Variants in MACROD2 observed in about 807,000 individuals in gnomAD.
The protein encoded by MACROD2 is ADP-ribose glycohydrolase MACROD2.
In MACROD2, 36 loss-of-function variants were observed where a neutral mutation model predicts 70.4. The ratio of observed to expected loss-of-function variants is 0.51; its 90% confidence interval spans 0.39 to 0.68. The LOEUF is 0.68. MACROD2 is among the 30% of genes least tolerant of loss of function. The pLI, the probability that MACROD2 is intolerant of heterozygous loss-of-function variation, is 0.00. For missense variants in MACROD2, 496 were observed against 538.4 expected, an observed-to-expected ratio of 0.92 and a Z score of 0.78; for synonymous variants, 172 against 178.8, an observed-to-expected ratio of 0.96 and a Z score of 0.30.
intron 3 of MACROD2, among the ~76,000 whole-genome samples, chr20:14,191,723 G>A (rs1407018887): frequency 6.6e-6 from 1 of 152,226 alleles, no homozygotes; most frequent in African/African-American, 2.4e-5. Context: ...AGTATTCCAG[G>A]CAGAGGGAAC....
intron 5 of MACROD2, among the ~76,000 whole-genome samples, chr20:14,859,073 A>G (rs1012108284): frequency 5.9e-5 from 9 of 152,082 alleles, no homozygotes; most frequent in Non-Finnish European, 1.3e-4. Flanking sequence ...TGGGGACTCA[A>G]GGGGAAGGTT....
chr20:14,335,675 T>C (rs1440865394), intron 3 of MACROD2, among the ~76,000 whole-genome samples: 2 of 152,176 alleles, frequency 1.3e-5, no homozygotes, highest in South Asian at 2.1e-4. Context: ...TAGTAACTGG[T>C]AGACAGTTTT....
At chr20:15,713,987 G>GCACACACGCGCACA (rs1555868660) in intron 8 of MACROD2, among the ~76,000 whole-genome samples, 17 of 117,788 alleles carry the variant, frequency 1.4e-4, no homozygotes, top group South Asian at 6.4e-4. Flanking sequence ...ACACACATAT[G>GCACACACGCGCACA]CACACACACA....
chr20:14,864,348 G>C (rs1249255008), intron 5 of MACROD2, among the ~76,000 whole-genome samples: 2 of 152,080 alleles, frequency 1.3e-5, no homozygotes, highest in Admixed American at 1.3e-4. Flanking sequence ...GCCCTTTGGA[G>C]AGGGCTATTT....
At chr20:14,938,381 C>T (rs1478991153) in intron 5 of MACROD2, among the ~76,000 whole-genome samples, 1 of 152,030 alleles carries the variant, frequency 6.6e-6, no homozygotes, top group African/African-American at 2.4e-5. Context: ...TGATAACAGC[C>T]ATTTTAACTG....
At chr20:14,080,442 CAAAAAAAAA>C (rs61598345) in intron 2 of MACROD2, among the ~76,000 whole-genome samples, 18 of 64,058 alleles carry the variant, frequency 2.8e-4, no homozygotes, top group African/African-American at 1.1e-3. Context: ...AACCCCGTCT[CAAAAAAAAA>C]AAAAAAAAAA....
chr20:14,757,126 A>T (rs1164251902), intron 5 of MACROD2, among the ~76,000 whole-genome samples: 1 of 152,170 alleles, frequency 6.6e-6, no homozygotes, highest in Non-Finnish European at 1.5e-5. Flanking sequence ...GACATTTTTG[A>T]ATTAAATATC....
At chr20:15,590,985 AAG>A (rs909142950) in intron 8 of MACROD2, among the ~76,000 whole-genome samples, 72 of 151,966 alleles carry the variant, frequency 4.7e-4, no homozygotes, top group African/African-American at 1.7e-3. Flanking sequence ...GAAAGAAAAG[AAG>A]AGAGAGAGAG....
chr20:14,571,349 T>C (rs936868420), intron 4 of MACROD2, among the ~76,000 whole-genome samples: 1 of 152,086 alleles, frequency 6.6e-6, no homozygotes, highest in Non-Finnish European at 1.5e-5. Context: ...ATTGTACTGC[T>C]TAGCCAGTAG....
chr20:16,034,995 C>T (rs2147593458), intron 15 of MACROD2, among the ~76,000 whole-genome samples: 1 of 147,386 alleles, frequency 6.8e-6, no homozygotes, highest in South Asian at 2.1e-4. Context: ...TTAATTTATT[C>T]CTTTTAATGG....
chr20:15,723,197 A>G (rs1328097379), intron 8 of MACROD2, among the ~76,000 whole-genome samples: 3 of 152,148 alleles, frequency 2.0e-5, no homozygotes, highest in Non-Finnish European at 4.4e-5. Flanking sequence ...TTGTGTACCC[A>G]CCACCCCCAC....
At chr20:14,440,551 G>T (rs1456818774) in intron 3 of MACROD2, among the ~76,000 whole-genome samples, 1 of 152,166 alleles carries the variant, frequency 6.6e-6, no homozygotes, top group Admixed American at 6.5e-5. Flanking sequence ...ATTGTGAGCA[G>T]ATCTGTGTAC....
At chr20:14,433,048 G>A (rs192502061) in intron 3 of MACROD2, among the ~76,000 whole-genome samples, 1 of 152,222 alleles carries the variant, frequency 6.6e-6, no homozygotes, top group East Asian at 1.9e-4. Flanking sequence ...CTTTACACGT[G>A]TTGAGGTTTT....
intron 5 of MACROD2, among the ~76,000 whole-genome samples, chr20:15,088,107 GTAAAA>G (rs1247671772): frequency 6.6e-5 from 10 of 151,812 alleles, no homozygotes; most frequent in Admixed American, 6.6e-5. Flanking sequence ...TCAGATAATA[GTAAAA>G]TAAAATAATG....
rs139251779 is a variant in MACROD2, at chr20:15,833,400, A to G, written c.646-29345A>G. ...TTAAACCGCTGCCCTTGTTTAACAC[A>G]TGACAGTTTTTATGTGTGGAAATGT... On this transcript the variant is annotated intron_variant, in intron 8 of 17. Coordinates refer to ENST00000684519, the MANE Select transcript of MACROD2 (RefSeq NM_001351661.2). Among the ~76,000 whole-genome samples, 906 of 152,298 alleles carry G rather than the reference A, an allele frequency of 5.9e-3. 10 individuals carry two copies. Among genetic ancestry groups the G allele is most frequent in the Admixed American group, 0.031 (480 of 15,296 alleles).
intron 13 of MACROD2, among the ~76,000 whole-genome samples, chr20:15,985,193 C>T (rs1033421938): frequency 2.0e-4 from 30 of 152,010 alleles, no homozygotes; most frequent in Admixed American, 1.1e-3. Context: ...TTACTTACAC[C>T]GGACCTGTTT....
intron 8 of MACROD2, among the ~76,000 whole-genome samples, chr20:15,853,697 G>A (rs2064325058): frequency 6.6e-6 from 1 of 152,128 alleles, no homozygotes; most frequent in African/African-American, 2.4e-5. Context: ...CCAATGAAAA[G>A]GAGTTTAGAA....
intron 3 of MACROD2, among the ~76,000 whole-genome samples, chr20:14,246,304 G>A (rs2081967886): frequency 2.6e-5 from 4 of 152,188 alleles, no homozygotes; most frequent in Admixed American, 2.6e-4. Flanking sequence ...CTTCATTGTA[G>A]TGACTTCTAT....
intron 4 of MACROD2, among the ~76,000 whole-genome samples, chr20:14,541,630 G>T (rs1255170317): frequency 2.0e-5 from 3 of 148,752 alleles, no homozygotes; most frequent in Non-Finnish European, 4.5e-5. Flanking sequence ...TATAATGAAT[G>T]CATGGATATG....
Sources: gnomAD v4.1 joint callset for allele counts (sites outside exome capture counted in the v4.1 genomes callset) on GRCh38, gnomAD v4.1.1 for gene constraint, MANE v1.5 for transcripts, NCBI Gene and HGNC (gene_info 2026-07-23, HGNC 2026-07-21) for gene names.